Variants in AHCYL2 observed in about 807,000 individuals in gnomAD.
The protein encoded by AHCYL2 is S-adenosylhomocysteine hydrolase-like protein 2.
A neutral mutation model predicts 81.4 loss-of-function variants in AHCYL2; 28 were observed. The ratio of observed to expected loss-of-function variants is 0.34; its 90% CI spans 0.25 to 0.47. The LOEUF is 0.47. Ranked by LOEUF, AHCYL2 falls within the 20% of genes least tolerant of loss-of-function variation. The pLI, the probability that AHCYL2 is intolerant of heterozygous loss-of-function variation, is 1.00. For missense variants in AHCYL2, 551 were observed against 785.1 expected (o/e 0.70, Z 3.56); for synonymous variants, 272 against 290.2 (o/e 0.94, Z 0.64).
intron 1 of AHCYL2, among the ~76,000 whole-genome samples, chr7:129,311,996 C>G (rs947770176): frequency 5.3e-5 from 8 of 151,622 alleles, no homozygotes; most frequent in African/African-American, 1.9e-4. Flanking sequence ...TTTTCTTCTT[C>G]TTTTGGAGAC....
At chr7:129,297,045 G>C (rs372970007) in intron 1 of AHCYL2, among the ~76,000 whole-genome samples, 1 of 152,152 alleles carries the variant, frequency 6.6e-6, no homozygotes, top group South Asian at 2.1e-4. Context: ...TTTCTGAAGT[G>C]GGTAGCCAAC....
chr7:129,239,663 T>G (rs1794773427), intron 1 of AHCYL2, among the ~76,000 whole-genome samples: 1 of 152,062 alleles, frequency 6.6e-6, no homozygotes, highest in Non-Finnish European at 1.5e-5. Flanking sequence ...GAAAATAATT[T>G]TAGGGTTTTA....
At chr7:129,233,127 T>C (rs957893917) in intron 1 of AHCYL2, among the ~76,000 whole-genome samples, 3 of 152,230 alleles carry the variant, frequency 2.0e-5, no homozygotes, top group Non-Finnish European at 2.9e-5. Flanking sequence ...AGCAATGTTA[T>C]ACATTTCTCT....
chr7:129,270,044 T>A (rs553803125), intron 1 of AHCYL2, among the ~76,000 whole-genome samples: 1 of 152,348 alleles, frequency 6.6e-6, no homozygotes, highest in South Asian at 2.1e-4. Flanking sequence ...TTCCTGCGTA[T>A]TATTTAATTT....
chr7:129,229,930 C>T (rs1035322256), intron 1 of AHCYL2, among the ~76,000 whole-genome samples: 5 of 152,128 alleles, frequency 3.3e-5, no homozygotes, highest in African/African-American at 1.2e-4. Context: ...TCTTCCTGTT[C>T]AGCTAACACT....
intron 1 of AHCYL2, among the ~76,000 whole-genome samples, 177 bp downstream of exon 1, chr7:129,225,616 G>T (rs1023532090): frequency 7.9e-5 from 12 of 152,152 alleles, no homozygotes; most frequent in African/African-American, 2.9e-4. Flanking sequence ...CCTCGTGCTG[G>T]GAGCGGAGAC....
intron 1 of AHCYL2, among the ~76,000 whole-genome samples, chr7:129,343,599 T>C (rs1248006251): frequency 6.6e-6 from 1 of 152,170 alleles, no homozygotes; most frequent in Non-Finnish European, 1.5e-5. Context: ...AAATTTTTCT[T>C]TCCAACAAAT....
At chr7:129,375,704 T>A (rs1166962232) in intron 1 of AHCYL2, 4 of 1,440,238 alleles carry the variant, frequency 2.8e-6, no homozygotes, top group East Asian at 2.5e-5. Context: ...GCTGAAGGGG[T>A]TGTTGGAGCT....
At chr7:129,299,369 G>GTTTTTTTTTTTTTTTTTTTTTTTTT (rs71162592) in intron 1 of AHCYL2, among the ~76,000 whole-genome samples, 2 of 46,306 alleles carry the variant, frequency 4.3e-5, no homozygotes, top group African/African-American at 8.2e-5. Flanking sequence ...AGTCCAACTT[G>GTTTTTTTTTTTTTTTTTTTTTTTTT]TTTTTTTTTT....
chr7:129,344,827 A>C, intron 1 of AHCYL2, among the ~76,000 whole-genome samples: 1 of 152,170 alleles, frequency 6.6e-6, no homozygotes, highest in East Asian at 1.9e-4. Context: ...AGTTCTTACT[A>C]ACTTGACAGG....
chr7:129,273,632 T>A (rs1796097050), intron 1 of AHCYL2, among the ~76,000 whole-genome samples: 1 of 152,118 alleles, frequency 6.6e-6, no homozygotes. Context: ...CTGGCCGACT[T>A]CAGAAAGATT....
At chr7:129,397,989 T>A (rs1795825061) in intron 5 of AHCYL2, among the ~76,000 whole-genome samples, 1 of 152,260 alleles carries the variant, frequency 6.6e-6, no homozygotes, top group Non-Finnish European at 1.5e-5. Flanking sequence ...CAGTGAATTG[T>A]ACATACGCAT....
At chr7:129,233,387 T>G (rs777517071) in intron 1 of AHCYL2, among the ~76,000 whole-genome samples, 10 of 152,126 alleles carry the variant, frequency 6.6e-5, no homozygotes, top group Non-Finnish European at 1.5e-4. Flanking sequence ...CTTGCCATGT[T>G]GCAGGTCTCC....
At chr7:129,264,008 ATATTT>A (rs773814205) in intron 1 of AHCYL2, among the ~76,000 whole-genome samples, 2 of 152,040 alleles carry the variant, frequency 1.3e-5, no homozygotes, top group African/African-American at 4.8e-5. Flanking sequence ...AGAGGAGAAG[ATATTT>A]TATTTTATTT....
At chr7:129,350,570 A>T (rs1196389421) in intron 1 of AHCYL2, among the ~76,000 whole-genome samples, 1 of 151,928 alleles carries the variant, frequency 6.6e-6, no homozygotes, top group Admixed American at 6.6e-5. Context: ...TATTTTTAGT[A>T]GAGACAGGGT....
intron 1 of AHCYL2, among the ~76,000 whole-genome samples, chr7:129,257,035 G>C (rs1440962122): frequency 6.6e-6 from 1 of 152,152 alleles, no homozygotes; most frequent in Non-Finnish European, 1.5e-5. Context: ...AGCCCCTAGA[G>C]TTGCAGAGGC....
At chr7:129,381,568 G>A (rs963465405) in intron 2 of AHCYL2, among the ~76,000 whole-genome samples, 1 of 152,298 alleles carries the variant, frequency 6.6e-6, no homozygotes, top group East Asian at 1.9e-4. Context: ...ACATCCTGGA[G>A]ATGAAAAAGA....
At chr7:129,322,982 C>T (rs1397217319) in intron 1 of AHCYL2, among the ~76,000 whole-genome samples, 1 of 152,166 alleles carries the variant, frequency 6.6e-6, no homozygotes, top group South Asian at 2.1e-4. Context: ...GATCTTCTCT[C>T]TTTTTCTCCT....
At chr7:129,414,750 A>G (rs1796763667) in intron 12 of AHCYL2, among the ~76,000 whole-genome samples, 1 of 152,088 alleles carries the variant, frequency 6.6e-6, no homozygotes, top group Non-Finnish European at 1.5e-5. Flanking sequence ...AGACTTACCA[A>G]AGTATCTCTC....
Sources: allele counts gnomAD v4.1 joint callset (sites outside exome capture counted in the v4.1 genomes callset), GRCh38; gene constraint gnomAD v4.1.1; transcripts MANE v1.5; gene names NCBI Gene and HGNC (gene_info 2026-07-23, HGNC 2026-07-21).